The following OXTR variants were observed in gnomAD, a reference collection of about 807,000 sequenced individuals.
OXTR encodes the protein oxytocin receptor.
Under a neutral mutation model 23.9 loss-of-function variants are expected in OXTR, and 19 were observed. The ratio of observed to expected loss-of-function variants is 0.80; its 90% CI spans 0.56 to 1.17. OXTR has a LOEUF of 1.17. Ranked by LOEUF, OXTR falls within the 50% of genes most tolerant of loss-of-function variation. The pLI is 0.00. For missense variants in OXTR, 500 were observed against 550.7 expected, an observed-to-expected ratio of 0.91 and a Z score of 0.92; for synonymous variants, 278 against 250.5, an observed-to-expected ratio of 1.11 and a Z score of -1.04.
the OXTR span, chr3:8,745,139 T>C: frequency 4.6e-5 from 11 of 239,054 alleles, no homozygotes; most frequent in African/African-American, 2.0e-4. The surrounding 1 kb of genome is among the most constrained non-coding windows in gnomAD (Gnocchi z 4.8). Context: ...AGAGTTCTCA[T>C]AAGATCTGGT....
At chr3:8,754,780 G>A (rs533349662) in intron 3 of OXTR, among the ~76,000 whole-genome samples, 1 of 152,162 alleles carries the variant, frequency 6.6e-6, no homozygotes, top group Non-Finnish European at 1.5e-5. Context: ...TGGAGGTAGG[G>A]CTCAGGAATG....
At chr3:8,746,805 A>C (rs1708179906), downstream of OXTR, 1 of 122,074 alleles carries the variant, frequency 8.2e-6, no homozygotes, top group Admixed American at 8.0e-5. Context: ...TCTCTCACAC[A>C]CACACACACA....
downstream of OXTR, chr3:8,746,651 C>A (rs1403707536): frequency 6.6e-6 from 1 of 151,798 alleles, no homozygotes; most frequent in Non-Finnish European, 1.5e-5. Context: ...ATGCCCAGTA[C>A]TGCCATTTGA....
At chr3:8,762,245 A>G (rs548967313) in intron 3 of OXTR, among the ~76,000 whole-genome samples, 4 of 152,332 alleles carry the variant, frequency 2.6e-5, no homozygotes, top group African/African-American at 9.6e-5. Flanking sequence ...GACAGCCATC[A>G]AATGGAAACA....
chr3:8,767,429 C>A lies in OXTR; in HGVS notation c.759G>T (p.Gly253=), dbSNP rs1408832866. Residue 253 remains glycine, a synonymous_variant, in exon 3 of 4, where the codon GGG becomes GGT. Coordinates refer to ENST00000316793, the MANE Select transcript of OXTR (RefSeq NM_000916.4). ...TGCTGACACGCGCCAGGGCCACGCG[C>A]CCCCCATCGCCAGCCGCCGCGCCCT... ...APEGAAAGDG[G]RVALARVSSV... is the part of the protein sequence containing the mutation. 1.2e-6 allele frequency: 2 copies of A among 1,605,596 alleles called. No homozygotes were observed. Among genetic ancestry groups the A allele is most frequent in the South Asian group, 1.1e-5 (1 of 90,004 alleles).
chr3:8,762,170 C>G (rs1365666444), intron 3 of OXTR, among the ~76,000 whole-genome samples: 1 of 152,196 alleles, frequency 6.6e-6, no homozygotes, highest in African/African-American at 2.4e-5. Context: ...ACCTGCTAAT[C>G]TCCTCCTGAT....
At chr3:8,765,048 G>A (rs1708573649) in intron 3 of OXTR, among the ~76,000 whole-genome samples, 1 of 152,202 alleles carries the variant, frequency 6.6e-6, no homozygotes, top group South Asian at 2.1e-4. Context: ...TGGTCCCCAG[G>A]AAAATCCTCA....
At chr3:8,761,058 G>A (rs111509464) in intron 3 of OXTR, among the ~76,000 whole-genome samples, 3 of 152,180 alleles carry the variant, frequency 2.0e-5, no homozygotes, top group African/African-American at 7.2e-5. Flanking sequence ...CGGGAATGCT[G>A]TTAAATATCC....
chr3:8,757,529 C>A (rs957097418), intron 3 of OXTR, among the ~76,000 whole-genome samples: 2 of 152,076 alleles, frequency 1.3e-5, no homozygotes, highest in Non-Finnish European at 1.5e-5. Flanking sequence ...TTCTGGAAAA[C>A]TTATTCTACC....
At chr3:8,742,872 C>T in the OXTR span, among the ~76,000 whole-genome samples, 1 of 152,154 alleles carries the variant, frequency 6.6e-6, no homozygotes, top group East Asian at 1.9e-4. Context: ...TAAAGGAATA[C>T]CTGAGACTGG....
intron 3 of OXTR, among the ~76,000 whole-genome samples, chr3:8,763,450 G>A (rs563790367): frequency 5.9e-5 from 9 of 152,162 alleles, no homozygotes; most frequent in Non-Finnish European, 1.2e-4. Context: ...CCTGTCCACC[G>A]CACCCAATCA....
chr3:8,761,697 G>A (rs1295083585), intron 3 of OXTR, among the ~76,000 whole-genome samples: 4 of 152,198 alleles, frequency 2.6e-5, no homozygotes, highest in Non-Finnish European at 4.4e-5. Flanking sequence ...AAATGGCCTG[G>A]GCACAGGCCT....
chr3:8,758,971 G>C (rs1297335945), intron 3 of OXTR, among the ~76,000 whole-genome samples: 1 of 152,216 alleles, frequency 6.6e-6, no homozygotes, highest in Non-Finnish European at 1.5e-5. Flanking sequence ...TCAAAGTGTA[G>C]CCAATGGCTG....
rs544737187 is a variant in OXTR at position 8,767,553 on chromosome 3, G to C, written c.635C>G (p.Pro212Arg). ...GTAGCAGGCAGCGAGCACGATGACCGGCACGATGTAGACAGCTAGCGTGAT... is the reference window on the plus strand; with the variant it reads ...GTAGCAGGCAGCGAGCACGATGACCCGCACGATGTAGACAGCTAGCGTGAT... ...TWITLAVYIV[P>R]VIVLAACYGL... Residue 212 changes from proline to arginine, a missense_variant, in exon 3 of 4, where the codon CCG becomes CGG. By Grantham distance (103) the Pro-to-Arg change is moderately radical. Coordinates refer to ENST00000316793, the MANE Select transcript of OXTR (RefSeq NM_000916.4). The C allele has an allele frequency of 5.0e-6, 8 of 1,613,214 alleles. No individual in the cohort carries two copies. The highest frequency in any genetic ancestry group is 2.2e-5 in the East Asian group (1 of 44,842).
At position 8,752,242 on chromosome 3, in the gene OXTR, T is replaced by C. The variant is rs947908914; in HGVS notation, c.*735A>G. The C allele has an allele frequency of 8.1e-5, 12 of 147,576 alleles. No homozygotes were observed. The East Asian group carries it at 9.9e-4, about 12-fold the overall frequency. 9.1% of individuals were successfully genotyped at this position (147,576 alleles called of 1,614,324 possible). A position where few individuals can be genotyped will look rare whatever the true frequency, so the allele number is the denominator to read the frequency against. On this transcript the variant is annotated 3_prime_UTR_variant, in exon 4 of 4. Coordinates refer to ENST00000316793, the MANE Select transcript of OXTR (RefSeq NM_000916.4). ...TTATTAGTTCTAATAGCTGTGTGCG[T>C]GTGTGTGTGTGTGTGTGTGTGTGAG...
chr3:8,749,442 T>C (rs1199112883), downstream of OXTR, among the ~76,000 whole-genome samples: 2 of 152,120 alleles, frequency 1.3e-5, no homozygotes, highest in East Asian at 3.9e-4. Flanking sequence ...GTGGCCTCTG[T>C]TGGCTCCTAG....
intron 3 of OXTR, among the ~76,000 whole-genome samples, chr3:8,762,042 G>A (rs903985623): frequency 1.3e-5 from 2 of 152,194 alleles, no homozygotes; most frequent in Non-Finnish European, 2.9e-5. Flanking sequence ...TCCAAAAGTT[G>A]CCAGGGCAAG....
At chr3:8,766,604 T>C (rs565317400) in intron 3 of OXTR, among the ~76,000 whole-genome samples, 2 of 152,236 alleles carry the variant, frequency 1.3e-5, no homozygotes, top group South Asian at 4.2e-4. Flanking sequence ...CCACCACTCC[T>C]TGCAGTACTC....
intron 3 of OXTR, among the ~76,000 whole-genome samples, chr3:8,763,906 T>C (rs976844995): frequency 4.6e-5 from 7 of 151,528 alleles, no homozygotes; most frequent in African/African-American, 1.7e-4. Context: ...ATTGTAATAG[T>C]TTTTTTTCCT....
Sources: gnomAD v4.1 joint callset for allele counts (sites outside exome capture counted in the v4.1 genomes callset) on GRCh38, gnomAD v4.1.1 for gene constraint, Gnocchi (gnomAD v3.1) non-coding constraint, MANE v1.5 for transcripts, NCBI Gene and HGNC (gene_info 2026-07-23, HGNC 2026-07-21) for gene names.